The following STK39 variants were observed in gnomAD, a reference collection of about 807,000 sequenced individuals.
The protein encoded by STK39 is STE20/SPS1-related proline-alanine-rich protein kinase.
STK39 carries 20 observed loss-of-function variants against 77.8 expected under a neutral mutation model. The observed-to-expected ratio is 0.26, with a 90% CI of 0.18 to 0.37. STK39 has a LOEUF of 0.37. Among genes scored for constraint, STK39 ranks in the 10% least tolerant of loss-of-function variants. The pLI, the probability that STK39 is intolerant of heterozygous loss-of-function variation, is 1.00. For synonymous variants in STK39, 246 were observed against 234.1 expected (o/e 1.05, Z -0.47); for missense variants, 479 against 656.5 (o/e 0.73, Z 2.95).
At chr2:168,128,539 A>G (rs1687602786) in intron 10 of STK39, among the ~76,000 whole-genome samples, 1 of 152,162 alleles carries the variant, frequency 6.6e-6, no homozygotes, top group Non-Finnish European at 1.5e-5. Context: ...AGCCCACCCC[A>G]CATAATTCTT....
intron 10 of STK39, among the ~76,000 whole-genome samples, chr2:168,104,637 T>C (rs1351138336): frequency 6.6e-6 from 1 of 152,146 alleles, no homozygotes; most frequent in African/African-American, 2.4e-5. Context: ...ATCTACATCA[T>C]GTTTTCCAGG....
intron 2 of STK39, among the ~76,000 whole-genome samples, chr2:168,180,132 A>T (rs1291719800): frequency 6.6e-6 from 1 of 152,190 alleles, no homozygotes; most frequent in Non-Finnish European, 1.5e-5. Flanking sequence ...AGATCACCTG[A>T]GGTCAGGGGT....
chr2:167,987,488 A>AAC (rs1553510107), intron 16 of STK39, among the ~76,000 whole-genome samples: 1 of 151,798 alleles, frequency 6.6e-6, no homozygotes, highest in African/African-American at 2.4e-5. Flanking sequence ...CTGGGACAAA[A>AAC]ATATATATAT....
intron 14 of STK39, among the ~76,000 whole-genome samples, chr2:168,059,415 G>A (rs1287310613): frequency 1.3e-5 from 2 of 152,172 alleles, no homozygotes; most frequent in African/African-American, 4.8e-5. Context: ...TTAATCAGGT[G>A]AAAAACCTTG....
chr2:168,109,850 T>C (rs1157856955), intron 10 of STK39, among the ~76,000 whole-genome samples: 1 of 152,268 alleles, frequency 6.6e-6, no homozygotes, highest in African/African-American at 2.4e-5. Context: ...GAGCCATTCA[T>C]ATTTCTTCCT....
Position 168,209,403 on chromosome 2 carries a change from G to A in STK39, c.209-27313C>T, listed in dbSNP as rs553161591. On this transcript the variant is annotated intron_variant, in intron 1 of 17. Coordinates refer to ENST00000355999, the MANE Select transcript of STK39 (RefSeq NM_013233.3). ...ATAAGAAACTAATGTAAGGCCTGGC[G>A]CGGTGGCTCACGCCTGTAATCCCAG... Among the ~76,000 whole-genome samples the A allele has an allele frequency of 1.4e-4, 22 of 152,256 alleles. No homozygotes were observed. The East Asian group carries it at 3.7e-3, about 25-fold the overall frequency.
intron 10 of STK39, among the ~76,000 whole-genome samples, chr2:168,117,635 G>A (rs899962100): frequency 6.6e-6 from 1 of 152,206 alleles, no homozygotes; most frequent in African/African-American, 2.4e-5. Flanking sequence ...AAGATGCTAG[G>A]CTGGGAGAGA....
intron 10 of STK39, among the ~76,000 whole-genome samples, chr2:168,098,329 C>T (rs1686729083): frequency 6.6e-6 from 1 of 152,178 alleles, no homozygotes; most frequent in African/African-American, 2.4e-5. Flanking sequence ...TCCTTTACTT[C>T]CCTCTAAAGG....
At chr2:168,077,869 G>A (rs952066392) in intron 10 of STK39, among the ~76,000 whole-genome samples, 1 of 150,500 alleles carries the variant, frequency 6.6e-6, no homozygotes, top group Non-Finnish European at 1.5e-5. Context: ...GGTCTTATTC[G>A]GGAATTGAAT....
chr2:168,179,479 C>T (rs57340984), intron 2 of STK39, among the ~76,000 whole-genome samples: 23,620 of 151,970 alleles, frequency 0.16, 2,168 homozygotes, highest in African/African-American at 0.25. Context: ...TATATCAACA[C>T]ACCAAAAGGT....
chr2:168,204,392 C>T (rs1014816092), intron 1 of STK39, among the ~76,000 whole-genome samples: 4 of 152,178 alleles, frequency 2.6e-5, no homozygotes, highest in Admixed American at 1.3e-4. Context: ...AAGAATCTGT[C>T]ATTCACATAG....
intron 1 of STK39, among the ~76,000 whole-genome samples, chr2:168,238,548 A>C (rs1311934392): frequency 6.6e-6 from 1 of 152,250 alleles, no homozygotes; most frequent in Non-Finnish European, 1.5e-5. Context: ...AATCAGTTTA[A>C]AAGGTCAATT....
At chr2:168,046,491 G>T (rs1032413859) in intron 14 of STK39, among the ~76,000 whole-genome samples, 1 of 152,170 alleles carries the variant, frequency 6.6e-6, no homozygotes, top group Non-Finnish European at 1.5e-5. Flanking sequence ...TGTGGTGAAG[G>T]GGTCACCTGG....
chr2:167,987,374 G>GCAT (rs1185085127), intron 16 of STK39, among the ~76,000 whole-genome samples: 1 of 152,114 alleles, frequency 6.6e-6, no homozygotes, highest in Non-Finnish European at 1.5e-5. Context: ...CTCTGTGATA[G>GCAT]CATCACCCCT....
At chr2:168,017,141 T>C (rs747710392) in intron 14 of STK39, 46 bp from the exon 15 acceptor site, 36 of 1,392,896 alleles carry the variant, frequency 2.6e-5, no homozygotes, top group Non-Finnish European at 3.4e-5. Context: ...GGAAGCAGAG[T>C]TTAGTCGAAC....
In STK39 at chr2:168,247,353, G is replaced by A; in HGVS notation, c.83C>T (p.Pro28Leu). The change falls in exon 1 of 18, where the codon CCG becomes CTG. Residue 28 changes from proline (P) to leucine (L), a missense_variant. By Grantham distance (98) the Pro-to-Leu change is moderately conservative. Coordinates refer to ENST00000355999, the MANE Select transcript of STK39 (RefSeq NM_013233.3). The part of the protein sequence containing the change: ...APVTAAAAAA[P>L]AAATAAPAPA... ...GGCCGGCGCTGCTGTCGCGGCCGCC[G>A]GGGCCGCCGCCGCCGCCGCTGTCAC... 9.5e-7 allele frequency: 1 copy of A among 1,057,454 alleles called. No homozygotes were observed. Among genetic ancestry groups the A allele is most frequent in the African/African-American group, 1.7e-5 (1 of 58,978 alleles). The allele number at this position is 1,057,454 out of a possible 1,614,324, so 65.5% of individuals were successfully genotyped here. A position where few individuals can be genotyped will look rare whatever the true frequency, so the allele number is the denominator to read the frequency against.
At position 168,095,156 on chromosome 2, in the gene STK39, C is replaced by T. The variant is rs148937870; in HGVS notation, c.1090-19925G>A. On this transcript the variant is annotated intron_variant, in intron 10 of 17. Transcript: ENST00000355999. Reference sequence around the variant, plus strand: ...CTGTCCTCTACTGTTCACTCCTGAGCCAACTTCTACAGTTGCTTCTCTGCC... The same window carrying T: ...CTGTCCTCTACTGTTCACTCCTGAGTCAACTTCTACAGTTGCTTCTCTGCC... 9.1e-3 allele frequency among the ~76,000 whole-genome samples: 1,380 copies of T among 152,300 alleles called. 9 individuals carry two copies. Among genetic ancestry groups the T allele is most frequent in the Non-Finnish European group, 0.014 (923 of 68,028 alleles).
chr2:168,242,562 T>A (rs56159617), intron 1 of STK39, among the ~76,000 whole-genome samples: 5,837 of 19,976 alleles, frequency 0.29, 1,251 homozygotes, highest in Middle Eastern at 0.6. Flanking sequence ...AAAAAAAAAA[T>A]ATATATATAT....
chr2:168,220,025 TTGAG>T (rs1392451361), intron 1 of STK39, among the ~76,000 whole-genome samples: 4 of 152,134 alleles, frequency 2.6e-5, no homozygotes, highest in South Asian at 4.1e-4. Flanking sequence ...CTTCCTTTGC[TTGAG>T]TATTTGAATA....
Sources: allele counts gnomAD v4.1 joint callset (sites outside exome capture counted in the v4.1 genomes callset), GRCh38; gene constraint gnomAD v4.1.1; transcripts MANE v1.5; gene names NCBI Gene and HGNC (gene_info 2026-07-23, HGNC 2026-07-21).